Variants in SRGAP1 observed in about 807,000 individuals in gnomAD.
SRGAP1 encodes the protein SLIT-ROBO Rho GTPase activating protein 1.
SRGAP1 carries 43 observed loss-of-function variants against 121.9 expected under a neutral mutation model. The observed-to-expected ratio is 0.35, with a 90% CI of 0.28 to 0.46. SRGAP1 has a LOEUF of 0.46. Among genes scored for constraint, SRGAP1 ranks in the 20% least tolerant of loss-of-function variants. The probability of loss-of-function intolerance (pLI) is 1.00; values close to 1 mark genes in which losing one functional copy is unlikely to be tolerated. For missense variants in SRGAP1, 1,102 were observed against 1,350.9 expected (o/e 0.82, Z 2.89); for synonymous variants, 447 against 485.4 (o/e 0.92, Z 1.04).
intron 1 of SRGAP1, among the ~76,000 whole-genome samples, chr12:63,918,900 A>G (rs1401161949): frequency 6.6e-6 from 1 of 152,228 alleles, no homozygotes; most frequent in African/African-American, 2.4e-5. Context: ...TAAAATAAAC[A>G]AGGAAATGAG....
chr12:63,992,660 TACACAC>T (rs59798383), intron 3 of SRGAP1, among the ~76,000 whole-genome samples: 11,287 of 138,078 alleles, frequency 0.082, 525 homozygotes, highest in Middle Eastern at 0.1. Flanking sequence ...GCACAGTAAA[TACACAC>T]ACACACACAC....
At chr12:64,087,168 A>G in intron 11 of SRGAP1, 142 bp downstream of exon 11, 2 of 591,202 alleles carry the variant, frequency 3.4e-6, no homozygotes, top group South Asian at 4.8e-5. Context: ...GCAACATGAA[A>G]TGTTTGGGCT....
chr12:63,984,845 G>A (rs577409322), intron 2 of SRGAP1, among the ~76,000 whole-genome samples: 6 of 152,042 alleles, frequency 3.9e-5, no homozygotes, highest in Admixed American at 2.0e-4. Flanking sequence ...GTGAAACCCC[G>A]TCTCTACTAA....
At chr12:64,068,940 G>A (rs1364204664) in intron 8 of SRGAP1, among the ~76,000 whole-genome samples, 1 of 151,192 alleles carries the variant, frequency 6.6e-6, no homozygotes, top group Non-Finnish European at 1.5e-5. Context: ...AACCCAGGAG[G>A]CGGAGGTTGC....
intron 1 of SRGAP1, chr12:63,871,986 T>G: frequency 1.0e-6 from 1 of 964,346 alleles, no homozygotes; most frequent in Non-Finnish European, 1.7e-6. Context: ...CTTCTTATAC[T>G]GTGTCACTTC....
chr12:64,039,437 T>TTA (rs1163720773), intron 4 of SRGAP1, among the ~76,000 whole-genome samples: 6 of 152,198 alleles, frequency 3.9e-5, no homozygotes, highest in Non-Finnish European at 8.8e-5. Context: ...AACTACCTGT[T>TTA]TATACTAGTC....
intron 1 of SRGAP1, among the ~76,000 whole-genome samples, chr12:63,918,373 A>G (rs1434186576): frequency 2.0e-5 from 3 of 152,142 alleles, no homozygotes; most frequent in Non-Finnish European, 4.4e-5. Context: ...TGAACCTGGA[A>G]GTGTCTGACT....
At chr12:64,017,565 G>A (rs2034435819) in intron 4 of SRGAP1, among the ~76,000 whole-genome samples, 1 of 151,804 alleles carries the variant, frequency 6.6e-6, no homozygotes, top group Non-Finnish European at 1.5e-5. Flanking sequence ...TGAGGTAGGA[G>A]GATCACTTGA....
intron 18 of SRGAP1, among the ~76,000 whole-genome samples, chr12:64,125,153 A>G (rs2036667766): frequency 6.6e-6 from 1 of 152,120 alleles, no homozygotes; most frequent in African/African-American, 2.4e-5. Context: ...AACCACTAAT[A>G]TATTCTCTAT....
At position 64,111,866 on chromosome 12, in the gene SRGAP1, G is replaced by T. The variant is rs199608442; in HGVS notation, c.2024G>T (p.Cys675Phe). ...CCAGAAATACAGGATCAAGTGTCTT[G>T]CCAGGCACATGTGAATGAAATTATC... ...PVPEIQDQVS[C>F]QAHVNEIIKT... The change falls in exon 17 of 22, where the codon TGC becomes TTC. Residue 675 changes from cysteine (C) to phenylalanine (F), a missense_variant. Transcript: ENST00000355086. 4 of 1,613,992 alleles carry T rather than the reference G, an allele frequency of 2.5e-6. No homozygotes were observed. In the Admixed American group the frequency reaches 5.0e-5, roughly 20 times the overall value.
chr12:63,912,229 C>G (rs985722603), intron 1 of SRGAP1, among the ~76,000 whole-genome samples: 19 of 152,016 alleles, frequency 1.2e-4, no homozygotes, highest in African/African-American at 4.6e-4. Flanking sequence ...GTACAAAAGC[C>G]CTGTGAGGTA....
At chr12:63,855,400 A>G (rs2136258648) in intron 1 of SRGAP1, among the ~76,000 whole-genome samples, 1 of 150,120 alleles carries the variant, frequency 6.7e-6, no homozygotes, top group Middle Eastern at 3.5e-3. Flanking sequence ...CCCTGTTTCT[A>G]ATTATAACTT....
At chr12:63,988,505 A>G (rs749922709) in intron 2 of SRGAP1, among the ~76,000 whole-genome samples, 3 of 152,180 alleles carry the variant, frequency 2.0e-5, no homozygotes, top group Non-Finnish European at 2.9e-5. Context: ...GCCAAGTGCT[A>G]GGAGCCTAAA....
At chr12:63,913,454 C>CATT (rs1555238805) in intron 1 of SRGAP1, among the ~76,000 whole-genome samples, 1 of 124,114 alleles carries the variant, frequency 8.1e-6, no homozygotes, top group African/African-American at 3.0e-5. Context: ...ACTGTGTCCA[C>CATT]ATATATATAT....
intron 1 of SRGAP1, among the ~76,000 whole-genome samples, chr12:63,948,847 ATT>A (rs1379140089): frequency 3.0e-4 from 37 of 121,688 alleles, no homozygotes; most frequent in Admixed American, 1.4e-3. Context: ...CCATATATAT[ATT>A]TTCCATATAT....
At position 64,156,378 on chromosome 12, in the gene SRGAP1, A is replaced by G. The variant is rs10878111; in HGVS notation, c.*13706A>G. ...ATGTTAATATGATTTACTTATTTGCAATTTTCATAGCTATATGATATTCTA... is the reference window on the plus strand; with the variant it reads ...ATGTTAATATGATTTACTTATTTGCGATTTTCATAGCTATATGATATTCTA... On this transcript the variant is annotated 3_prime_UTR_variant, in exon 22 of 22. Coordinates refer to ENST00000355086, the MANE Select transcript of SRGAP1 (RefSeq NM_020762.4). 6.0e-4 allele frequency: 91 copies of G among 151,964 alleles called. No individual in the cohort carries two copies. Among genetic ancestry groups the G allele is most frequent in the African/African-American group, 2.2e-3 (89 of 41,378 alleles). 9.4% of individuals were successfully genotyped at this position (151,964 alleles called of 1,614,324 possible). A position where few individuals can be genotyped will look rare whatever the true frequency, so the allele number is the denominator to read the frequency against.
chr12:63,907,587 TGTTGA>T (rs1310941151), intron 1 of SRGAP1, among the ~76,000 whole-genome samples: 2 of 152,156 alleles, frequency 1.3e-5, no homozygotes, highest in African/African-American at 4.8e-5. Context: ...TTGTTTTTAC[TGTTGA>T]GTTGTAAGAG....
chr12:63,888,854 A>G (rs1423363842), intron 1 of SRGAP1, among the ~76,000 whole-genome samples: 1 of 152,080 alleles, frequency 6.6e-6, no homozygotes, highest in Non-Finnish European at 1.5e-5. Flanking sequence ...TCTCTGTAAC[A>G]CCCCAAGCTG....
At chr12:63,847,640 G>A (rs1032125535) in intron 1 of SRGAP1, among the ~76,000 whole-genome samples, 2 of 151,976 alleles carry the variant, frequency 1.3e-5, no homozygotes, top group Non-Finnish European at 2.9e-5. Flanking sequence ...CAGCTACCCT[G>A]GAGGCTGAGT....
Sources: allele counts gnomAD v4.1 joint callset (sites outside exome capture counted in the v4.1 genomes callset), GRCh38; gene constraint gnomAD v4.1.1; transcripts MANE v1.5; gene names NCBI Gene and HGNC (gene_info 2026-07-23, HGNC 2026-07-21).